TRHDE: variants seen among roughly 807,000 people sequenced by gnomAD.
TRHDE encodes the protein thyrotropin-releasing hormone-degrading ectoenzyme.
A neutral mutation model predicts 125.7 loss-of-function variants in TRHDE; 72 were observed. The ratio of observed to expected loss-of-function variants is 0.57; its 90% confidence interval spans 0.47 to 0.70. The LOEUF is 0.70. Ranked by LOEUF, TRHDE falls within the 30% of genes least tolerant of loss-of-function variation. The probability of loss-of-function intolerance (pLI) is 0.00; values close to 1 mark genes in which losing one functional copy is unlikely to be tolerated. For missense variants in TRHDE, 1,110 were observed against 1,327.1 expected, an observed-to-expected ratio of 0.84 and a Z score of 2.54; for synonymous variants, 509 against 509.1, an observed-to-expected ratio of 1.00 and a Z score of 0.00.
chr12:72,580,993 G>A (rs911277402), intron 12 of TRHDE, among the ~76,000 whole-genome samples: 3 of 152,090 alleles, frequency 2.0e-5, no homozygotes, highest in East Asian at 1.9e-4. Context: ...AAATACCATC[G>A]GGAGAGTGAA....
chr12:72,451,809 C>CT (rs1875587515), intron 3 of TRHDE, among the ~76,000 whole-genome samples: 1 of 151,792 alleles, frequency 6.6e-6, no homozygotes, highest in Non-Finnish European at 1.5e-5. Flanking sequence ...TTTTTCTTTT[C>CT]TTTTTTCTTT....
intron 2 of TRHDE, among the ~76,000 whole-genome samples, chr12:72,158,256 A>G (rs1001810614): frequency 6.6e-6 from 1 of 152,114 alleles, no homozygotes; most frequent in Non-Finnish European, 1.5e-5. Flanking sequence ...ATGGAATACA[A>G]TGGAATACAG....
chr12:72,111,279 T>C (rs1002109811), intron 2 of TRHDE, among the ~76,000 whole-genome samples: 2 of 152,194 alleles, frequency 1.3e-5, no homozygotes, highest in African/African-American at 2.4e-5. Flanking sequence ...GTTAGATACA[T>C]GAGTTTGTGT....
At position 72,370,379 on chromosome 12, in the gene TRHDE, A is replaced by T. The variant is rs549905043; in HGVS notation, c.1189-7616A>T. On this transcript the variant is annotated intron_variant, in intron 2 of 18. Transcript: ENST00000261180. ...ATTTGTTTCTGTTTCCTCCTAATCC[A>T]TCATCTTCACTGCAGCCAATGTAGT... is the stretch of plus-strand genomic sequence containing the variant. Among the ~76,000 whole-genome samples the T allele has an allele frequency of 3.0e-4, 46 of 152,248 alleles. No individual in the cohort carries two copies. The South Asian group carries it at 5.6e-3, about 19-fold the overall frequency.
At chr12:72,513,459 C>T (rs1339846593) in intron 6 of TRHDE, among the ~76,000 whole-genome samples, 2 of 151,980 alleles carry the variant, frequency 1.3e-5, no homozygotes, top group Admixed American at 6.6e-5. Flanking sequence ...TGGATTCTTT[C>T]GTGGGAGGCT....
intron 12 of TRHDE, among the ~76,000 whole-genome samples, chr12:72,617,001 G>C (rs1432756537): frequency 6.6e-6 from 1 of 151,972 alleles, no homozygotes; most frequent in Non-Finnish European, 1.5e-5. Flanking sequence ...CTTTTTCAGG[G>C]AGCAACAAAC....
intron 3 of TRHDE, among the ~76,000 whole-genome samples, chr12:72,389,303 C>T (rs1872543480): frequency 6.6e-6 from 1 of 151,936 alleles, no homozygotes; most frequent in Non-Finnish European, 1.5e-5. Flanking sequence ...AGATCAGTGT[C>T]CCTGGATCAA....
intron 18 of TRHDE, 49 bp from the exon 19 acceptor site, chr12:72,663,003 G>A (rs377249818): frequency 5.2e-5 from 81 of 1,560,992 alleles, no homozygotes; most frequent in Non-Finnish European, 6.3e-5. Flanking sequence ...TTGGACATGA[G>A]TTCTTTTTAA....
At chr12:72,294,881 T>G (rs980788816) in intron 2 of TRHDE, among the ~76,000 whole-genome samples, 22 of 151,646 alleles carry the variant, frequency 1.5e-4, no homozygotes, top group Non-Finnish European at 3.1e-4. Flanking sequence ...AGCTGGAGTG[T>G]CAACACTGCC....
At chr12:72,214,891 T>A (rs1489356215) in intron 2 of TRHDE, among the ~76,000 whole-genome samples, 1 of 152,082 alleles carries the variant, frequency 6.6e-6, no homozygotes, top group Non-Finnish European at 1.5e-5. Flanking sequence ...CAGCAAGGAG[T>A]CCTGAATCTC....
chr12:72,616,554 T>C (rs2080046716), intron 12 of TRHDE, among the ~76,000 whole-genome samples: 1 of 152,086 alleles, frequency 6.6e-6, no homozygotes, highest in South Asian at 2.1e-4. Context: ...TTATTTGTCA[T>C]CGTTTTTATT....
intron 3 of TRHDE, among the ~76,000 whole-genome samples, chr12:72,409,250 G>C (rs1873393888): frequency 6.6e-6 from 1 of 152,068 alleles, no homozygotes; most frequent in African/African-American, 2.4e-5. Context: ...TGTATTAAAT[G>C]GAAAAATGCT....
chr12:72,398,187 T>A (rs962690482), intron 3 of TRHDE, among the ~76,000 whole-genome samples: 4 of 152,100 alleles, frequency 2.6e-5, no homozygotes, highest in Non-Finnish European at 5.9e-5. Flanking sequence ...GGCTGCATAG[T>A]ATTCCATGGT....
chr12:72,652,907 A>G, intron 16 of TRHDE, 109 bp from the exon 17 acceptor site: 3 of 813,614 alleles, frequency 3.7e-6, no homozygotes, highest in East Asian at 2.8e-5. Flanking sequence ...AGATTGCACT[A>G]GACTATTCTT....
chr12:72,476,395 A>G (rs1329436690), intron 5 of TRHDE, among the ~76,000 whole-genome samples: 1 of 152,212 alleles, frequency 6.6e-6, no homozygotes, highest in African/African-American at 2.4e-5. Context: ...CACATAAATA[A>G]GAGAGGATAT....
intron 15 of TRHDE, among the ~76,000 whole-genome samples, chr12:72,626,742 T>C (rs1299017718): frequency 6.6e-6 from 1 of 151,904 alleles, no homozygotes; most frequent in Non-Finnish European, 1.5e-5. Flanking sequence ...TGTTCCTTTA[T>C]GTCTGATCCT....
chr12:72,589,761 T>G (rs2136046024), intron 12 of TRHDE, among the ~76,000 whole-genome samples: 1 of 152,230 alleles, frequency 6.6e-6, no homozygotes. Flanking sequence ...ATTTCTCTCT[T>G]ATTACAGACA....
At chr12:72,343,715 T>A (rs1256693116) in intron 2 of TRHDE, among the ~76,000 whole-genome samples, 1 of 152,034 alleles carries the variant, frequency 6.6e-6, no homozygotes, top group Non-Finnish European at 1.5e-5. Flanking sequence ...ATTTTTGAAG[T>A]GAAAAAAAGA....
chr12:72,517,965 T>C (rs1031427444), intron 6 of TRHDE, among the ~76,000 whole-genome samples: 3 of 151,704 alleles, frequency 2.0e-5, no homozygotes, highest in East Asian at 1.9e-4. Flanking sequence ...TTGAGTGAGA[T>C]TCTTAATCCT....
Sources: gnomAD v4.1 joint callset for allele counts (sites outside exome capture counted in the v4.1 genomes callset) on GRCh38, gnomAD v4.1.1 for gene constraint, MANE v1.5 for transcripts, NCBI Gene and HGNC (gene_info 2026-07-23, HGNC 2026-07-21) for gene names.